GLRA2: variants seen among roughly 807,000 people sequenced by gnomAD.
GLRA2 encodes glycine receptor subunit alpha-2.
GLRA2 carries 11 observed loss-of-function variants against 31.6 expected under a neutral mutation model. That is an observed-to-expected ratio of 0.35 (90% CI 0.22 to 0.58). GLRA2 has a LOEUF of 0.58. Ranked by LOEUF, GLRA2 falls within the 20% of genes least tolerant of loss-of-function variation. GLRA2 has a pLI of 0.84. For missense variants in GLRA2, 212 were observed against 351.8 expected (o/e 0.60, Z 3.18); for synonymous variants, 132 against 134.0 (o/e 0.99, Z 0.10).
At chrX:14,718,655 C>A (rs759809789) in intron 8 of GLRA2, among the ~76,000 whole-genome samples, 6 of 111,747 alleles carry the variant, frequency 5.4e-5, no homozygotes, top group Non-Finnish European at 1.1e-4. Context: ...TGTCTGGTGC[C>A]TAGGCTAGGA....
At chrX:14,593,247 C>G (rs3027366) in intron 4 of GLRA2, among the ~76,000 whole-genome samples, 23,681 of 111,478 alleles carry the variant, frequency 0.21, 2,396 homozygotes, top group Non-Finnish European at 0.32. Flanking sequence ...AGCAGTCTCT[C>G]CAACAAGTTT....
At chrX:14,544,506 C>T (rs1255964810) in intron 2 of GLRA2, among the ~76,000 whole-genome samples, 2 of 111,336 alleles carry the variant, frequency 1.8e-5, no homozygotes, top group Non-Finnish European at 3.8e-5. Flanking sequence ...TCCATCACTT[C>T]CTTGCAATGA....
intron 4 of GLRA2, among the ~76,000 whole-genome samples, chrX:14,602,152 G>GA (rs2090282432): frequency 9.0e-6 from 1 of 111,312 alleles, no homozygotes; most frequent in African/African-American, 3.3e-5. Context: ...TGGAGATACA[G>GA]AAAAATGGGA....
intron 7 of GLRA2, among the ~76,000 whole-genome samples, chrX:14,657,391 G>A (rs551388799): frequency 1.5e-4 from 17 of 112,269 alleles, no homozygotes; most frequent in African/African-American, 5.5e-4. Flanking sequence ...AGTGCCTTGA[G>A]TTCAGCAAAT....
intron 2 of GLRA2, among the ~76,000 whole-genome samples, chrX:14,543,527 T>C (rs2089437253): frequency 9.0e-6 from 1 of 111,359 alleles, no homozygotes; most frequent in Non-Finnish European, 1.9e-5. Context: ...TGGAAACTTA[T>C]GAGGAGATTA....
chrX:14,621,538 G>A (rs1041671089), intron 7 of GLRA2, among the ~76,000 whole-genome samples: 5 of 107,983 alleles, frequency 4.6e-5, no homozygotes, highest in Admixed American at 3.0e-4. Flanking sequence ...GACAGGCCCC[G>A]GTGTGTGATG....
At chrX:14,653,385 T>C (rs2090908872) in intron 7 of GLRA2, among the ~76,000 whole-genome samples, 2 of 111,920 alleles carry the variant, frequency 1.8e-5, no homozygotes, top group African/African-American at 6.5e-5. Context: ...AATATCCACA[T>C]TATCAGGAGT....
chrX:14,530,287 G>T (rs2089236614), intron 1 of GLRA2, among the ~76,000 whole-genome samples, 162 bp downstream of exon 1: 1 of 111,592 alleles, frequency 9.0e-6, no homozygotes. Context: ...GTGGGAGGGT[G>T]GTAAATTTTT....
chrX:14,521,061 G>A, the GLRA2 span, among the ~76,000 whole-genome samples: 1 of 112,830 alleles, frequency 8.9e-6, no homozygotes, highest in Non-Finnish European at 1.9e-5. Flanking sequence ...AAAGTCAAGA[G>A]CCATTGTGGA....
intron 7 of GLRA2, among the ~76,000 whole-genome samples, chrX:14,634,514 T>C (rs2090687450): frequency 8.9e-6 from 1 of 112,078 alleles, no homozygotes; most frequent in African/African-American, 3.2e-5. Flanking sequence ...TGCCTTATAT[T>C]ATGGTTATTT....
At chrX:14,464,587 C>T in the GLRA2 span, among the ~76,000 whole-genome samples, 17 of 111,861 alleles carry the variant, frequency 1.5e-4, no homozygotes, top group East Asian at 8.4e-4. Flanking sequence ...GACGAAGTCT[C>T]GCTCTGTCAC....
At chrX:14,514,020 T>G in the GLRA2 span, among the ~76,000 whole-genome samples, 1 of 112,368 alleles carries the variant, frequency 8.9e-6, no homozygotes, top group Non-Finnish European at 1.9e-5. Context: ...GCTGCTCAAA[T>G]GCCCATCAGT....
chrX:14,509,404 A>C, the GLRA2 span, among the ~76,000 whole-genome samples: 1 of 113,033 alleles, frequency 8.8e-6, no homozygotes, highest in Non-Finnish European at 1.9e-5. Flanking sequence ...TTTTCCAAGA[A>C]AACGGACCAC....
chrX:14,645,905 A>G (rs1395857883), intron 7 of GLRA2, among the ~76,000 whole-genome samples: 1 of 111,944 alleles, frequency 8.9e-6, no homozygotes, highest in African/African-American at 3.3e-5. Flanking sequence ...TTAGTCTACA[A>G]AAAATTAGCT....
chrX:14,728,360 C>T (rs1196797332), intron 8 of GLRA2, among the ~76,000 whole-genome samples: 2 of 110,957 alleles, frequency 1.8e-5, no homozygotes, highest in Non-Finnish European at 1.9e-5. Flanking sequence ...GCCAGTTCAC[C>T]CCAGCCTGGG....
the GLRA2 span, among the ~76,000 whole-genome samples, chrX:14,520,632 C>T: frequency 8.9e-6 from 1 of 112,543 alleles, no homozygotes; most frequent in Non-Finnish European, 1.9e-5. Flanking sequence ...TCTGGACAGA[C>T]ATCCAATTGC....
At chrX:14,575,564 C>T (rs1301254100) in intron 3 of GLRA2, among the ~76,000 whole-genome samples, 1 of 110,194 alleles carries the variant, frequency 9.1e-6, no homozygotes, top group East Asian at 2.8e-4. Context: ...TGGGCTCAAA[C>T]GATATTCCTG....
At chrX:14,507,646 A>C in the GLRA2 span, among the ~76,000 whole-genome samples, 1 of 107,049 alleles carries the variant, frequency 9.3e-6, no homozygotes, top group Non-Finnish European at 1.9e-5. Context: ...CAGTTGAGAA[A>C]ATGTCCGACC....
chrX:14,630,832 G>A (rs1228432996), intron 7 of GLRA2, among the ~76,000 whole-genome samples: 1 of 100,934 alleles, frequency 9.9e-6, no homozygotes. Flanking sequence ...AATACCTTAA[G>A]TTCTAGGGTA....
Sources: gnomAD v4.1 joint callset for allele counts (sites outside exome capture counted in the v4.1 genomes callset) on GRCh38, gnomAD v4.1.1 for gene constraint, MANE v1.5 for transcripts, NCBI Gene and HGNC (gene_info 2026-07-23, HGNC 2026-07-21) for gene names.